The following SPON2 variants were observed in gnomAD, a reference collection of about 807,000 sequenced individuals.
The protein encoded by SPON2 is spondin 2, also known as spondin-2.
In SPON2, 32 loss-of-function variants were observed where a neutral mutation model predicts 29.9. The observed-to-expected ratio is 1.07, with a 90% CI of 0.81 to 1.44. SPON2 has a LOEUF of 1.44. Among genes scored for constraint, SPON2 ranks in the 40% most tolerant of loss-of-function variants. The pLI, the probability that SPON2 is intolerant of heterozygous loss-of-function variation, is 0.00. For missense variants in SPON2, 541 were observed against 455.5 expected (o/e 1.19, Z -1.71); for synonymous variants, 248 against 209.1 (o/e 1.19, Z -1.61).
At chr4:1,167,802 G>T in intron 5 of SPON2, 146 bp from the exon 6 acceptor site, 1 of 802,062 alleles carries the variant, frequency 1.2e-6, no homozygotes, top group Non-Finnish European at 1.9e-6. Flanking sequence ...CACAGTCGCA[G>T]AGTGAGCGGC....
At chr4:1,178,174 C>T (rs1163307117), upstream of SPON2, among the ~76,000 whole-genome samples, 12 of 145,728 alleles carry the variant, frequency 8.2e-5, no homozygotes, top group Admixed American at 4.1e-4. Context: ...CCAGGCACCA[C>T]GGGCTCTGCA....
intron 4 of SPON2, 36 bp from the exon 5 acceptor site, chr4:1,170,612 G>A (rs530834834): frequency 1.3e-5 from 20 of 1,581,304 alleles, no homozygotes; most frequent in African/African-American, 6.7e-5. Context: ...CCTGGGGTCC[G>A]AGAAGCCCAC....
At chr4:1,172,107 G>A in intron 1 of SPON2, 33 bp from the exon 2 acceptor site, 1 of 1,582,846 alleles carries the variant, frequency 6.3e-7, no homozygotes, top group Non-Finnish European at 8.6e-7. Flanking sequence ...CCGCGCGCTG[G>A]CACCGTCGTG....
At chr4:1,177,448 G>A (rs1488818859), upstream of SPON2, among the ~76,000 whole-genome samples, 2 of 152,336 alleles carry the variant, frequency 1.3e-5, no homozygotes, top group African/African-American at 2.4e-5. Flanking sequence ...GGCATCGGGG[G>A]TGGAGTCTGT....
At chr4:1,175,520 TG>T (rs1727576042), upstream of SPON2, among the ~76,000 whole-genome samples, 1 of 142,790 alleles carries the variant, frequency 7.0e-6, no homozygotes. Flanking sequence ...GGGCCCAGGC[TG>T]GGGGGTCTCC....
chr4:1,208,588 G>A (rs576888304), upstream of SPON2: 1 of 152,504 alleles, frequency 6.6e-6, no homozygotes, highest in East Asian at 1.9e-4. Context: ...AAGGCCTGGA[G>A]AATCACCGCT....
chr4:1,171,066 C>T lies in SPON2; in HGVS notation c.569G>A (p.Gly190Glu). The T allele has an allele frequency of 6.5e-7, 1 of 1,549,912 alleles. No individual in the cohort carries two copies. The highest frequency in any genetic ancestry group is 8.7e-7 in the Non-Finnish European group (1 of 1,146,450). Residue 190 changes from glycine to glutamate, a missense_variant, in exon 4 of 6, where the codon GGG (glycine) becomes GAG (glutamate). Gly to Glu is a moderately conservative substitution (Grantham distance 98). Transcript: ENST00000290902. ...GGAGAAGGTGAAGCCGCTGTCCGTCCCGGCGTCGTAGGGGTACAGGTCCAG... is the reference window on the plus strand; with the variant it reads ...GGAGAAGGTGAAGCCGCTGTCCGTCTCGGCGTCGTAGGGGTACAGGTCCAG... ...AALDLYPYDA[G>E]TDSGFTFSSP...
In SPON2 at chr4:1,171,463, T is replaced by C. The variant is rs1324915288; in HGVS notation, c.244A>G (p.Ser82Gly). ...LLGAAHSSDY[S>G]MWRKNQYVSN... ...ACGTACTGGTTCTTCCTCCACATGCTGTAGTCGGAGCTATGCGCGGCCCCT... is the reference window on the plus strand; with the variant it reads ...ACGTACTGGTTCTTCCTCCACATGCCGTAGTCGGAGCTATGCGCGGCCCCT... The change falls in exon 3 of 6, where the codon AGC (serine) becomes GGC (glycine). Residue 82 changes from serine to glycine, a missense_variant. Coordinates refer to ENST00000290902, the MANE Select transcript of SPON2 (RefSeq NM_012445.4). The C allele has an allele frequency of 1.1e-5, 17 of 1,611,844 alleles. No individual in the cohort carries two copies. The highest frequency in any genetic ancestry group is 1.4e-5 in the Non-Finnish European group (16 of 1,179,630).
At chr4:1,180,760 T>C (rs1727688494) in intron 1 of SPON2, among the ~76,000 whole-genome samples, 1 of 152,156 alleles carries the variant, frequency 6.6e-6, no homozygotes, top group South Asian at 2.1e-4. Context: ...CACTAGAGGA[T>C]TTCAACAGAA....
chr4:1,195,577 C>G (rs1291898967), upstream of SPON2, among the ~76,000 whole-genome samples: 1 of 152,160 alleles, frequency 6.6e-6, no homozygotes, highest in Non-Finnish European at 1.5e-5. Context: ...GCCGCAGCCC[C>G]TCGAGTAGCC....
At chr4:1,171,772 G>A in intron 2 of SPON2, 80 bp downstream of exon 2, 3 of 1,006,466 alleles carry the variant, frequency 3.0e-6, no homozygotes, top group Admixed American at 1.8e-5. Flanking sequence ...ACTGGGAAGC[G>A]CCGCCGTGCA....
At chr4:1,204,589 C>T (rs1728293710) in intron 1 of SPON2, among the ~76,000 whole-genome samples, 1 of 152,236 alleles carries the variant, frequency 6.6e-6, no homozygotes, top group Non-Finnish European at 1.5e-5. Flanking sequence ...ACCTGGTGGC[C>T]ACGGTTCCCT....
At chr4:1,197,918 C>G (rs1418333539), upstream of SPON2, among the ~76,000 whole-genome samples, 1 of 151,986 alleles carries the variant, frequency 6.6e-6, no homozygotes, top group Non-Finnish European at 1.5e-5. Context: ...CATGGTGGTG[C>G]GTGCCCGTAG....
chr4:1,198,082 A>G (rs1024303532), upstream of SPON2, among the ~76,000 whole-genome samples: 1 of 151,344 alleles, frequency 6.6e-6, no homozygotes, highest in Non-Finnish European at 1.5e-5. Flanking sequence ...ATAAATGACT[A>G]CCTCTATTTA....
intron 1 of SPON2, among the ~76,000 whole-genome samples, chr4:1,182,855 G>A (rs982083463): frequency 3.9e-5 from 6 of 152,108 alleles, no homozygotes; most frequent in Admixed American, 3.3e-4. Context: ...ACAAGGAATT[G>A]CCACAAGATT....
At chr4:1,208,434 C>G (rs1728401592), upstream of SPON2, 1 of 152,356 alleles carries the variant, frequency 6.6e-6, no homozygotes, top group African/African-American at 2.4e-5. Context: ...TGCTCCCGTG[C>G]CCGGGGCGGA....
At chr4:1,170,192 T>C (rs1052409109) in intron 5 of SPON2, 7 of 584,566 alleles carry the variant, frequency 1.2e-5, no homozygotes, top group Admixed American at 3.4e-5. Flanking sequence ...GCTGTGGCCC[T>C]GTAAGATGCT....
At chr4:1,177,726 G>A (rs1206354408), upstream of SPON2, among the ~76,000 whole-genome samples, 2 of 152,134 alleles carry the variant, frequency 1.3e-5, no homozygotes. Context: ...GCATGTCAAC[G>A]GCTCTTTCAG....
intron 1 of SPON2, among the ~76,000 whole-genome samples, chr4:1,181,426 T>C (rs189470976): frequency 1.3e-5 from 2 of 152,108 alleles, no homozygotes; most frequent in Admixed American, 1.3e-4. Flanking sequence ...CAAAACCACA[T>C]GAAGAAACAA....
Sources: gnomAD v4.1 joint callset for allele counts (sites outside exome capture counted in the v4.1 genomes callset) on GRCh38, gnomAD v4.1.1 for gene constraint, MANE v1.5 for transcripts, NCBI Gene and HGNC (gene_info 2026-07-23, HGNC 2026-07-21) for gene names.